GABRR2: variants seen among roughly 807,000 people sequenced by gnomAD.
GABRR2 encodes gamma-aminobutyric acid type A receptor subunit rho2.
GABRR2 carries 36 observed loss-of-function variants against 47.0 expected under a neutral mutation model. That is an observed-to-expected ratio of 0.77 (90% CI 0.59 to 1.01). GABRR2 has a LOEUF of 1.01. GABRR2 is among the 50% of genes least tolerant of loss of function. The pLI, the probability that GABRR2 is intolerant of heterozygous loss-of-function variation, is 0.00. For missense variants in GABRR2, 587 were observed against 594.6 expected (o/e 0.99, Z 0.13); for synonymous variants, 204 against 227.5 (o/e 0.90, Z 0.93).
At chr6:89,265,592 C>T (rs776333773) in intron 7 of GABRR2, 21 bp downstream of exon 7, 10 of 1,603,204 alleles carry the variant, frequency 6.2e-6, no homozygotes, top group South Asian at 2.2e-5. Context: ...CACCCTACCA[C>T]ACCTTATGAA....
At chr6:89,302,076 A>G (rs1767451675) in intron 1 of GABRR2, 1 of 634,974 alleles carries the variant, frequency 1.6e-6, no homozygotes. Flanking sequence ...GGGGCCGGCA[A>G]TAACTGGGCC....
At chr6:89,314,859 TTC>T (rs991140330) in intron 1 of GABRR2, among the ~76,000 whole-genome samples, 192 bp downstream of exon 1, 2 of 152,202 alleles carry the variant, frequency 1.3e-5, no homozygotes, top group African/African-American at 4.8e-5. Flanking sequence ...CCCAGTCTAG[TTC>T]TGCTCTCAAT....
At chr6:89,274,589 G>A (rs1036996892) in intron 2 of GABRR2, among the ~76,000 whole-genome samples, 1 of 152,078 alleles carries the variant, frequency 6.6e-6, no homozygotes. Context: ...GGGCTGGGCT[G>A]GGTGAAGTGG....
rs145747506 is a variant in GABRR2, at chr6:89,266,206, G to A, written c.737-441C>T. Among the ~76,000 whole-genome samples the A allele has an allele frequency of 2.0e-3, 298 of 152,320 alleles. 2 individuals carry two copies. Among genetic ancestry groups the A allele is most frequent in the African/African-American group, 6.9e-3 (288 of 41,558 alleles). The stretch of plus-strand genomic sequence containing the variant: ...GCTTTCTGAGTAGCTGGAACTACAG[G>A]TGTGTGCCACCATGCCCAGCTAAAT... On this transcript the variant is annotated intron_variant, in intron 6 of 8. Coordinates refer to ENST00000402938, the MANE Select transcript of GABRR2 (RefSeq NM_002043.5).
chr6:89,300,388 T>C lies in GABRR2; in HGVS notation c.114-523A>G, dbSNP rs139825256. Among the ~76,000 whole-genome samples the C allele has an allele frequency of 4.6e-3, 697 of 152,110 alleles. 5 individuals are homozygous for C. The highest frequency in any genetic ancestry group is 0.016 in the African/African-American group (677 of 41,486). ...AGCTGGGCATGGTGGCACACACCTG[T>C]AGTCCCAGCTACTCAGGAGGCTAGG... On this transcript the variant is annotated intron_variant, in intron 1 of 8. Coordinates refer to ENST00000402938, the MANE Select transcript of GABRR2 (RefSeq NM_002043.5).
At position 89,264,552 on chromosome 6, in the gene GABRR2, G is replaced by T. The variant is rs764865117; in HGVS notation, c.946C>A (p.Pro316Thr). ...TIITGVNASM[P>T]RVSYVKAVDI... ...ACGGCCTTGACGTAGGAGACGCGCG[G>T]CATGGAGGCATTCACGCCCGTGATG... is the stretch of plus-strand genomic sequence containing the variant. Residue 316 changes from proline (P) to threonine (T), a missense_variant, in exon 8 of 9, where the codon CCG (proline) becomes ACG (threonine). By Grantham distance (38) the Pro-to-Thr change is conservative. Transcript: ENST00000402938. 3.1e-6 allele frequency: 5 copies of T among 1,614,146 alleles called. No homozygotes were observed. In the Admixed American group the frequency reaches 8.3e-5, roughly 27 times the overall value.
intron 2 of GABRR2, among the ~76,000 whole-genome samples, chr6:89,292,343 ATTT>A (rs1491231880): frequency 2.7e-5 from 1 of 37,306 alleles, no homozygotes; most frequent in African/African-American, 1.3e-4. Flanking sequence ...TCAAAAAAAA[ATTT>A]TATATATATA....
intron 2 of GABRR2, among the ~76,000 whole-genome samples, chr6:89,285,480 C>T (rs1274951147): frequency 2.6e-5 from 4 of 152,058 alleles, no homozygotes; most frequent in East Asian, 1.9e-4. Flanking sequence ...CATGCGATTG[C>T]GGGTGGGGAG....
chr6:89,285,156 G>A (rs568193190), intron 2 of GABRR2, among the ~76,000 whole-genome samples: 25 of 152,332 alleles, frequency 1.6e-4, no homozygotes, highest in African/African-American at 6.0e-4. Context: ...TGTGAGGTTG[G>A]AAAACATCCA....
At chr6:89,297,603 C>T (rs183774408) in intron 2 of GABRR2, among the ~76,000 whole-genome samples, 31 of 152,248 alleles carry the variant, frequency 2.0e-4, no homozygotes, top group Admixed American at 2.0e-3. Flanking sequence ...GCCTGTAATC[C>T]CAGCACTTTG....
intron 2 of GABRR2, among the ~76,000 whole-genome samples, chr6:89,288,882 A>G (rs1457043031): frequency 1.3e-5 from 2 of 152,206 alleles, no homozygotes; most frequent in Admixed American, 1.3e-4. Context: ...TCCGGCCTCA[A>G]GAGATCCGCC....
At chr6:89,274,950 A>G (rs1774132691) in intron 2 of GABRR2, among the ~76,000 whole-genome samples, 1 of 152,096 alleles carries the variant, frequency 6.6e-6, no homozygotes, top group Non-Finnish European at 1.5e-5. Context: ...CTCTGGTGAG[A>G]TTTCAGGCAG....
At chr6:89,303,519 C>T (rs1472469962) in intron 1 of GABRR2, among the ~76,000 whole-genome samples, 1 of 151,738 alleles carries the variant, frequency 6.6e-6, no homozygotes, top group Non-Finnish European at 1.5e-5. Flanking sequence ...CTGCCTAAAA[C>T]AATTTATAGA....
chr6:89,295,361 T>C (rs987991580), intron 2 of GABRR2, among the ~76,000 whole-genome samples: 6 of 152,246 alleles, frequency 3.9e-5, no homozygotes, highest in Admixed American at 3.3e-4. Flanking sequence ...TCTCTCATTG[T>C]GGTTTTGATT....
rs1562385884 is a variant in GABRR2 at position 89,299,781 on chromosome 6, G to C, written c.198C>G (p.Phe66Leu). 1 of 1,613,744 alleles carries C rather than the reference G, an allele frequency of 6.2e-7. No individual in the cohort carries two copies. Among genetic ancestry groups the C allele is most frequent in the Non-Finnish European group, 8.5e-7 (1 of 1,179,660 alleles). The change falls in exon 2 of 9, where the codon TTC (phenylalanine) becomes TTG (leucine). Residue 66 changes from phenylalanine to leucine, a missense_variant. Coordinates refer to ENST00000402938, the MANE Select transcript of GABRR2 (RefSeq NM_002043.5). ...QQLLRVDEHD[F>L]SMRPAFGGPA... ...TACCTCCGAAGGCGGGTCTCATGCT[G>C]AAGTCGTGCTCGTCCACTCTGAGAA...
At chr6:89,308,105 G>A (rs1220786513) in intron 1 of GABRR2, among the ~76,000 whole-genome samples, 3 of 152,130 alleles carry the variant, frequency 2.0e-5, no homozygotes, top group Non-Finnish European at 4.4e-5. Flanking sequence ...ATGAGCCACC[G>A]CGCTCGGCCT....
intron 7 of GABRR2, 27 bp from the exon 8 acceptor site, chr6:89,264,635 G>T (rs1172405923): frequency 2.5e-6 from 4 of 1,612,220 alleles, no homozygotes; most frequent in Non-Finnish European, 3.4e-6. Flanking sequence ...TAGTTGGGCT[G>T]CTGACAGCGG....
At chr6:89,277,168 G>A (rs559587477) in intron 2 of GABRR2, among the ~76,000 whole-genome samples, 16 of 152,210 alleles carry the variant, frequency 1.1e-4, no homozygotes, top group African/African-American at 2.6e-4. Context: ...TGCTGTTCTC[G>A]TGATAGTAAG....
intron 1 of GABRR2, among the ~76,000 whole-genome samples, chr6:89,303,814 A>T (rs1227471700): frequency 6.6e-6 from 1 of 152,232 alleles, no homozygotes; most frequent in Non-Finnish European, 1.5e-5. Flanking sequence ...ACACACCCAC[A>T]GCCATCTGAT....
Sources: gnomAD v4.1 joint callset for allele counts (sites outside exome capture counted in the v4.1 genomes callset) on GRCh38, gnomAD v4.1.1 for gene constraint, MANE v1.5 for transcripts, NCBI Gene and HGNC (gene_info 2026-07-23, HGNC 2026-07-21) for gene names.